The following DNAH10 variants were observed in gnomAD, a reference collection of about 807,000 sequenced individuals.
The protein encoded by DNAH10 is dynein axonemal heavy chain 10, also known as axonemal beta dynein heavy chain 10.
A neutral mutation model predicts 506.6 loss-of-function variants in DNAH10; 348 were observed. That is an observed-to-expected ratio of 0.69 (90% CI 0.63 to 0.75). The LOEUF (loss-of-function observed/expected upper bound fraction) is 0.75. DNAH10 is among the 30% of genes least tolerant of loss of function. The probability of loss-of-function intolerance (pLI) is 0.00; values close to 1 mark genes in which losing one functional copy is unlikely to be tolerated. For synonymous variants in DNAH10, 2,059 were observed against 2,198.6 expected (o/e 0.94, Z 1.78); for missense variants, 5,179 against 5,787.1 (o/e 0.89, Z 3.41).
At chr12:123,800,739 T>C (rs2136276435) in intron 15 of DNAH10, among the ~76,000 whole-genome samples, 2 of 147,858 alleles carry the variant, frequency 1.4e-5, no homozygotes, top group Middle Eastern at 7.6e-3. Context: ...AAATATGGGG[T>C]TGGGTGTGGT....
At chr12:123,847,402 A>T in intron 32 of DNAH10, among the ~76,000 whole-genome samples, 1 of 152,100 alleles carries the variant, frequency 6.6e-6, no homozygotes, top group Admixed American at 6.6e-5. Context: ...ATGTGATGAT[A>T]GGGTCTGATT....
At position 123,838,497 on chromosome 12, in the gene DNAH10, C is replaced by G. The variant is rs527377221; in HGVS notation, c.4944C>G (p.Cys1648Trp). Reference protein sequence around the residue: ...ETLKDPVIKRCCEAPNRLSDL... With the variant: ...ETLKDPVIKRWCEAPNRLSDL... ...TAAAAGACCCCGTGATCAAGAGGTG[C>G]TGTGAAGCCCCAAACCGCCTCAGTG... Residue 1648 changes from cysteine (C) to tryptophan (W), a missense_variant, in exon 29 of 79, where the codon TGC becomes TGG. By Grantham distance (215) the Cys-to-Trp change is radical (BLOSUM62 -2). Around this residue, in one of 3 missense-constraint regions of DNAH10, gnomAD observed 4,844 missense variants for 5,430.5 expected, o/e 0.89. Transcript: ENST00000673944. 5.0e-5 allele frequency: 81 copies of G among 1,614,004 alleles called. 2 individuals carry two copies. In the South Asian group the frequency reaches 8.6e-4, roughly 17 times the overall value.
In DNAH10 at chr12:123,867,967, T is replaced by C; in HGVS notation, c.7367T>C (p.Leu2456Pro). 2 of 1,613,960 alleles carry C rather than the reference T, an allele frequency of 1.2e-6. No individual in the cohort carries two copies. The highest frequency in any genetic ancestry group is 1.7e-6 in the Non-Finnish European group (2 of 1,179,876). ...LEGEIEDLDL[L>P]ECYFLEALYC... ...GGAGAAATAGAAGACCTTGACCTGC[T>C]GGAGTGCTACTTCCTGGAGGCTTTG... is the stretch of plus-strand genomic sequence containing the variant. The change falls in exon 43 of 79, where the codon CTG (leucine) becomes CCG (proline). Residue 2456 changes from leucine (L) to proline (P), a missense_variant. Coordinates refer to ENST00000673944, the MANE Select transcript of DNAH10 (RefSeq NM_001372106.1).
At chr12:123,802,730 C>CTTTTTTTTTTTTTTTTTTTT (rs772071953) in intron 16 of DNAH10, among the ~76,000 whole-genome samples, 1 of 132,032 alleles carries the variant, frequency 7.6e-6, no homozygotes. Context: ...TTTGCTGTCA[C>CTTTTTTTTTTTTTTTTTTTT]TTTTTTTTTT....
At position 123,820,765 on chromosome 12, in the gene DNAH10, A is replaced by G; in HGVS notation, c.4179+7A>G. 6.2e-7 allele frequency: 1 copy of G among 1,613,726 alleles called. No homozygotes were observed. The highest frequency in any genetic ancestry group is 1.7e-5 in the Admixed American group (1 of 60,000). ...GCTCTATGAAGGACTAAAGGTGAGCATCTCCCTGAAAGCGAAGGACTCAGG... is the reference window on the plus strand; with the variant it reads ...GCTCTATGAAGGACTAAAGGTGAGCGTCTCCCTGAAAGCGAAGGACTCAGG... On this transcript the variant is annotated splice_region_variant and intron_variant, in intron 24 of 78. Transcript: ENST00000673944.
intron 12 of DNAH10, among the ~76,000 whole-genome samples, chr12:123,795,362 T>C (rs112581307): frequency 0.063 from 9,512 of 152,046 alleles, 333 homozygotes; most frequent in African/African-American, 0.069. Context: ...GTACTGGAGG[T>C]CAGAAGTTTG....
intron 11 of DNAH10, 96 bp from the exon 12 acceptor site, chr12:123,793,846 C>T (rs1958177633): frequency 4.9e-6 from 5 of 1,020,640 alleles, no homozygotes; most frequent in Non-Finnish European, 6.2e-6. Flanking sequence ...AGAAATCTGT[C>T]CCAAACCACT....
intron 19 of DNAH10, among the ~76,000 whole-genome samples, chr12:123,811,185 A>T (rs939399289): frequency 6.6e-6 from 1 of 152,192 alleles, no homozygotes; most frequent in South Asian, 2.1e-4. Flanking sequence ...TACCTCCTCT[A>T]CTAAGTGGAA....
intron 21 of DNAH10, among the ~76,000 whole-genome samples, chr12:123,817,772 C>T (rs148262347): frequency 6.6e-5 from 10 of 152,122 alleles, no homozygotes; most frequent in Admixed American, 1.3e-4. Context: ...GGATTGGAGG[C>T]GTTGGGTGAT....
intron 5 of DNAH10, among the ~76,000 whole-genome samples, chr12:123,779,140 C>T (rs1304691109): frequency 2.6e-5 from 4 of 152,000 alleles, no homozygotes; most frequent in Non-Finnish European, 4.4e-5. Context: ...CCTGACCTCG[C>T]GATTCACCCG....
chr12:123,890,710 T>C (rs893891988), intron 52 of DNAH10, among the ~76,000 whole-genome samples: 34 of 151,912 alleles, frequency 2.2e-4, no homozygotes, highest in African/African-American at 8.0e-4. Flanking sequence ...GTGACAGCGA[T>C]TGGAGGAGGG....
Position 123,910,681 on chromosome 12 carries a change from C to G in DNAH10, c.10134+9C>G, listed in dbSNP as rs368697543. 1.2e-6 allele frequency: 2 copies of G among 1,609,650 alleles called. No homozygotes were observed. Among genetic ancestry groups the G allele is most frequent in the Non-Finnish European group, 1.7e-6 (2 of 1,179,236 alleles). On this transcript the variant is annotated intron_variant, in intron 59 of 78. Coordinates refer to ENST00000673944, the MANE Select transcript of DNAH10 (RefSeq NM_001372106.1). ...AGCCCAAAAGAGAGAAGGTATTGCC[C>G]GAATGTAAGACTGCCACACCACTGC...
intron 54 of DNAH10, among the ~76,000 whole-genome samples, 194 bp downstream of exon 54, chr12:123,894,917 G>T (rs1379593556): frequency 6.6e-6 from 1 of 152,190 alleles, no homozygotes; most frequent in Non-Finnish European, 1.5e-5. Context: ...AGGAGACTTA[G>T]CAAGGACAAT....
chr12:123,845,917 G>A, intron 31 of DNAH10, 48 bp downstream of exon 31: 2 of 1,612,502 alleles, frequency 1.2e-6, no homozygotes, highest in Non-Finnish European at 1.7e-6. Context: ...ACCCTTTGTG[G>A]TCCGCTGATC....
intron 21 of DNAH10, among the ~76,000 whole-genome samples, chr12:123,817,951 T>G (rs984972315): frequency 7.0e-6 from 1 of 143,106 alleles, no homozygotes. Context: ...CTTTTTCTCT[T>G]TTTTTTTTTT....
At chr12:123,933,533 T>A in intron 77 of DNAH10, 22 bp downstream of exon 77, 1 of 1,563,346 alleles carries the variant, frequency 6.4e-7, no homozygotes, top group South Asian at 1.2e-5. Context: ...TCGTTAGGGA[T>A]CCACAGCCTC....
At chr12:123,860,874 C>A in intron 38 of DNAH10, 138 bp from the exon 39 acceptor site, 1 of 1,060,638 alleles carries the variant, frequency 9.4e-7, no homozygotes, top group South Asian at 1.4e-5. Flanking sequence ...AAGGGAAGCC[C>A]AGTGAAGAGT....
chr12:123,858,839 A>AT (rs1951501063), intron 37 of DNAH10, among the ~76,000 whole-genome samples: 1 of 152,178 alleles, frequency 6.6e-6, no homozygotes. Flanking sequence ...GAGATCACAC[A>AT]TTCTAGGATC....
At chr12:123,789,480 T>A (rs979816214) in intron 10 of DNAH10, among the ~76,000 whole-genome samples, 2 of 151,666 alleles carry the variant, frequency 1.3e-5, no homozygotes, top group Non-Finnish European at 2.9e-5. Flanking sequence ...GCCTTCCGGG[T>A]TGAAGTGATT....
Sources: gnomAD v4.1 joint callset for allele counts (sites outside exome capture counted in the v4.1 genomes callset) on GRCh38, gnomAD v4.1.1 for gene constraint, gnomAD v4.1.1 regional missense constraint, MANE v1.5 for transcripts, NCBI Gene and HGNC (gene_info 2026-07-23, HGNC 2026-07-21) for gene names.